Variants in HHAT observed in about 807,000 individuals in gnomAD.
HHAT encodes the protein hedgehog acyltransferase, also known as protein-cysteine N-palmitoyltransferase HHAT.
A neutral mutation model predicts 70.8 loss-of-function variants in HHAT; 47 were observed. The ratio of observed to expected loss-of-function variants is 0.66; its 90% CI spans 0.53 to 0.85. The LOEUF is 0.85. HHAT is among the 40% of genes least tolerant of loss of function. The pLI is 0.00. For synonymous variants in HHAT, 228 were observed against 247.6 expected (o/e 0.92, Z 0.74); for missense variants, 609 against 604.8 (o/e 1.01, Z -0.07).
At chr1:210,425,165 G>T (rs572344606) in intron 7 of HHAT, among the ~76,000 whole-genome samples, 108 of 152,182 alleles carry the variant, frequency 7.1e-4, no homozygotes, top group African/African-American at 2.5e-3. Context: ...TGGAAAGTCT[G>T]TTTATGTCCT....
chr1:210,430,165 T>G (rs2148321226), intron 7 of HHAT, among the ~76,000 whole-genome samples: 1 of 152,006 alleles, frequency 6.6e-6, no homozygotes. Context: ...TGTCCCAAAT[T>G]TGGTCAAGCT....
chr1:210,626,009 G>A (rs1156865093), intron 11 of HHAT, among the ~76,000 whole-genome samples: 1 of 152,202 alleles, frequency 6.6e-6, no homozygotes, highest in African/African-American at 2.4e-5. Flanking sequence ...ACATGGGCCT[G>A]GTCAGAAATG....
rs2092179709 is a variant in HHAT, at chr1:210,403,504, A to G, written c.469-960A>G. Among the ~76,000 whole-genome samples, 5 of 152,342 alleles carry G rather than the reference A, an allele frequency of 3.3e-5. No homozygotes were observed. In the South Asian group the frequency reaches 1.0e-3, roughly 32 times the overall value. ...GTGATTAGAAACTAGCTGGGTTTCC[A>G]TGCTTTTGCACATGTGGTTCTCCTG... On this transcript the variant is annotated intron_variant, in intron 5 of 11. Transcript: ENST00000261458.
intron 10 of HHAT, among the ~76,000 whole-genome samples, chr1:210,595,000 AC>A (rs1211667300): frequency 1.3e-5 from 2 of 151,262 alleles, no homozygotes; most frequent in African/African-American, 4.9e-5. Context: ...GTTTTAGGTT[AC>A]ATGTGCACAA....
intron 10 of HHAT, among the ~76,000 whole-genome samples, chr1:210,597,811 G>C (rs1663336881): frequency 6.6e-6 from 1 of 151,756 alleles, no homozygotes; most frequent in Non-Finnish European, 1.5e-5. Context: ...CCTACTCGGT[G>C]CTCTACTCCA....
intron 10 of HHAT, among the ~76,000 whole-genome samples, chr1:210,619,196 C>A (rs760201441): frequency 2.0e-5 from 3 of 152,130 alleles, no homozygotes; most frequent in Admixed American, 6.5e-5. Context: ...CCCGACCCAC[C>A]CCCTGTCATG....
intron 3 of HHAT, 123 bp downstream of exon 3, chr1:210,363,042 T>C (rs540393971): frequency 3.6e-6 from 3 of 831,252 alleles, no homozygotes; most frequent in Admixed American, 2.0e-5. Flanking sequence ...AAGCACCCTT[T>C]TTGCCGTAAA....
chr1:210,538,563 A>AT (rs1160809859), intron 9 of HHAT, among the ~76,000 whole-genome samples: 1 of 152,204 alleles, frequency 6.6e-6, no homozygotes, highest in East Asian at 1.9e-4. Context: ...TTTGGAGAAC[A>AT]TGAAGATCAA....
At chr1:210,510,839 T>C (rs10863838) in intron 8 of HHAT, among the ~76,000 whole-genome samples, 67,076 of 152,086 alleles carry the variant, frequency 0.44, 14,895 homozygotes, top group East Asian at 0.57. Flanking sequence ...TGCCTTCCTC[T>C]GACCCCACTA....
intron 8 of HHAT, among the ~76,000 whole-genome samples, chr1:210,489,483 A>C (rs1165002934): frequency 6.6e-6 from 1 of 152,214 alleles, no homozygotes; most frequent in East Asian, 1.9e-4. Context: ...AGGCTAATCC[A>C]AGGATCTTAC....
intron 10 of HHAT, among the ~76,000 whole-genome samples, chr1:210,602,932 A>C (rs1348411311): frequency 6.6e-6 from 1 of 152,224 alleles, no homozygotes; most frequent in Non-Finnish European, 1.5e-5. Flanking sequence ...TAGAATTCTG[A>C]AAATAATTCC....
chr1:210,434,338 A>G (rs2093325838), intron 7 of HHAT, among the ~76,000 whole-genome samples: 1 of 151,856 alleles, frequency 6.6e-6, no homozygotes, highest in African/African-American at 2.4e-5. Context: ...AGCAATCAGA[A>G]ACTAGTGGGA....
chr1:210,478,532 C>G (rs1157370398), intron 8 of HHAT, among the ~76,000 whole-genome samples: 1 of 152,130 alleles, frequency 6.6e-6, no homozygotes, highest in African/African-American at 2.4e-5. Flanking sequence ...CTAAGAAAAT[C>G]TTTAGCAGCC....
intron 8 of HHAT, among the ~76,000 whole-genome samples, chr1:210,494,542 C>CTTTTTTTTTTTTTTTTTTTTTTTTTTT (rs71146226): frequency 4.8e-5 from 4 of 82,858 alleles, no homozygotes; most frequent in Non-Finnish European, 4.4e-5. Context: ...TTTGAAATAG[C>CTTTTTTTTTTTTTTTTTTTTTTTTTTT]TTTTTTTTTT....
intron 11 of HHAT, among the ~76,000 whole-genome samples, chr1:210,656,725 G>A (rs1676502097): frequency 6.6e-6 from 1 of 152,140 alleles, no homozygotes; most frequent in South Asian, 2.1e-4. Context: ...AGTGATATAA[G>A]AGCCCTTGCC....
intron 10 of HHAT, among the ~76,000 whole-genome samples, chr1:210,612,660 C>G (rs1248158928): frequency 6.6e-6 from 1 of 152,010 alleles, no homozygotes; most frequent in African/African-American, 2.4e-5. Context: ...TTGTATATAC[C>G]TAGAAATGAA....
At chr1:210,506,451 C>T (rs1374129092) in intron 8 of HHAT, among the ~76,000 whole-genome samples, 1 of 152,178 alleles carries the variant, frequency 6.6e-6, no homozygotes, top group Non-Finnish European at 1.5e-5. Context: ...AGTTGATGTG[C>T]AGACAGCAAA....
At chr1:210,532,937 T>A (rs1408321776) in intron 9 of HHAT, among the ~76,000 whole-genome samples, 1 of 152,216 alleles carries the variant, frequency 6.6e-6, no homozygotes, top group Admixed American at 6.5e-5. Flanking sequence ...AAAATGAGGC[T>A]TGGGTTCATA....
intron 6 of HHAT, among the ~76,000 whole-genome samples, chr1:210,412,187 AG>A (rs1454849975): frequency 1.3e-5 from 2 of 152,144 alleles, no homozygotes; most frequent in Admixed American, 1.3e-4. Flanking sequence ...ACCATCTCCT[AG>A]TACCATTACC....
Sources: gnomAD v4.1 joint callset for allele counts (sites outside exome capture counted in the v4.1 genomes callset) on GRCh38, gnomAD v4.1.1 for gene constraint, MANE v1.5 for transcripts, NCBI Gene and HGNC (gene_info 2026-07-23, HGNC 2026-07-21) for gene names.